The following EDARADD variants were observed in gnomAD, a reference collection of about 807,000 sequenced individuals.
EDARADD encodes the protein ectodysplasin-A receptor-associated adapter protein.
Under a neutral mutation model 25.6 loss-of-function variants are expected in EDARADD, and 20 were observed. The ratio of observed to expected loss-of-function variants is 0.78; its 90% CI spans 0.55 to 1.14. EDARADD has a LOEUF of 1.14. Ranked by LOEUF, EDARADD falls within the 50% of genes most tolerant of loss-of-function variation. The probability of loss-of-function intolerance (pLI) is 0.00; values close to 1 mark genes in which losing one functional copy is unlikely to be tolerated. For missense variants in EDARADD, 225 were observed against 270.1 expected (o/e 0.83, Z 1.17); for synonymous variants, 86 against 94.4 (o/e 0.91, Z 0.52).
At chr1:236,458,354 T>TAA (rs35353723) in intron 4 of EDARADD, among the ~76,000 whole-genome samples, 51,972 of 151,814 alleles carry the variant, frequency 0.34, 9,385 homozygotes, top group Non-Finnish European at 0.41. Flanking sequence ...GTCCTGGCCT[T>TAA]AAAAAACTTA....
At chr1:236,392,412 C>A (rs1055911274), upstream of EDARADD, among the ~76,000 whole-genome samples, 2 of 152,138 alleles carry the variant, frequency 1.3e-5, no homozygotes, top group African/African-American at 2.4e-5. Context: ...AGGTCTGTAA[C>A]TCCTTGGCTC....
chr1:236,422,852 G>A (rs1456517677), intron 3 of EDARADD, among the ~76,000 whole-genome samples: 2 of 152,168 alleles, frequency 1.3e-5, no homozygotes, highest in Non-Finnish European at 2.9e-5. Context: ...GTAACCATGC[G>A]GAGCTTCCAG....
At position 236,482,227 on chromosome 1, in the gene EDARADD, C is replaced by T. The variant is rs371739998; in HGVS notation, c.266-40C>T. On this transcript the variant is annotated intron_variant, in intron 5 of 5. Coordinates refer to ENST00000334232, the MANE Select transcript of EDARADD (RefSeq NM_145861.4). ...GTAAGAAATGAATGCATATGTTAGG[C>T]CTCTTGTTGACCTGTGGACTAAATT... 5.0e-6 allele frequency: 8 copies of T among 1,613,078 alleles called. No homozygotes were observed. In the Admixed American group the frequency reaches 5.0e-5, roughly 10 times the overall value.
intron 3 of EDARADD, among the ~76,000 whole-genome samples, chr1:236,384,873 A>G (rs553399591): frequency 6.6e-6 from 1 of 152,194 alleles, no homozygotes; most frequent in East Asian, 1.9e-4. Flanking sequence ...CTTTGTTTAC[A>G]CTTATATTGA....
At chr1:236,425,643 G>C (rs150786357) in intron 3 of EDARADD, among the ~76,000 whole-genome samples, 62 of 152,286 alleles carry the variant, frequency 4.1e-4, no homozygotes, top group Non-Finnish European at 7.1e-4. Context: ...CGGTTAGGGG[G>C]ATGTGCTACC....
At chr1:236,438,950 G>A (rs866552701) in intron 4 of EDARADD, among the ~76,000 whole-genome samples, 3 of 152,112 alleles carry the variant, frequency 2.0e-5, no homozygotes, top group Non-Finnish European at 2.9e-5. Context: ...CACCATTCTA[G>A]TATCTTACAG....
At chr1:236,441,427 G>A (rs1658395962) in intron 4 of EDARADD, among the ~76,000 whole-genome samples, 1 of 143,660 alleles carries the variant, frequency 7.0e-6, no homozygotes. Flanking sequence ...GCCCTAGATG[G>A]CATCTTCTTC....
chr1:236,391,506 G>C (rs1020061469), upstream of EDARADD, among the ~76,000 whole-genome samples: 2 of 152,046 alleles, frequency 1.3e-5, no homozygotes, highest in Admixed American at 1.3e-4. Flanking sequence ...TGAGGCATAG[G>C]GTCTCTTATG....
intron 3 of EDARADD, among the ~76,000 whole-genome samples, chr1:236,360,049 T>A (rs976487076): frequency 6.6e-6 from 1 of 152,134 alleles, no homozygotes; most frequent in Non-Finnish European, 1.5e-5. Context: ...GTGTGGTGGC[T>A]CACTCCTGTA....
chr1:236,478,093 A>T (rs532854692), intron 5 of EDARADD, among the ~76,000 whole-genome samples: 301 of 152,020 alleles, frequency 2.0e-3, no homozygotes, highest in African/African-American at 6.9e-3. Context: ...GCAGGATGAG[A>T]CTGTCTCAAA....
chr1:236,470,229 C>T (rs888533911), intron 5 of EDARADD, among the ~76,000 whole-genome samples: 3 of 152,104 alleles, frequency 2.0e-5, no homozygotes, highest in Non-Finnish European at 2.9e-5. Flanking sequence ...GGTAAGTATA[C>T]CTTGCTGCAT....
At chr1:236,362,382 T>C (rs1667061408) in intron 3 of EDARADD, among the ~76,000 whole-genome samples, 1 of 152,196 alleles carries the variant, frequency 6.6e-6, no homozygotes, top group Admixed American at 6.6e-5. Context: ...TTTAGCCTAG[T>C]TTTAATTGTG....
intron 3 of EDARADD, among the ~76,000 whole-genome samples, chr1:236,354,845 TTCC>T (rs1388997736): frequency 2.6e-5 from 4 of 152,310 alleles, no homozygotes; most frequent in Middle Eastern, 3.4e-3. Flanking sequence ...GCCAAAACCC[TTCC>T]CCAAAGTGAA....
In EDARADD at chr1:236,445,234, C is replaced by CTTTTTTTTTTTTTTTTTTTTTTTTT. The variant is rs61333307; in HGVS notation, c.219+17795_219+17796insTTTTTTTTTTTTTTTTTTTTTTTTT. ...TGCATTAGCTGGGACATAATAAATT[C>CTTTTTTTTTTTTTTTTTTTTTTTTT]TTTTTTTTTTTGAGACAGAGTCTTG... On this transcript the variant is annotated intron_variant, in intron 4 of 5. Transcript: ENST00000334232. Among the ~76,000 whole-genome samples, 55 of 89,710 alleles carry CTTTTTTTTTTTTTTTTTTTTTTTTT rather than the reference C, an allele frequency of 6.1e-4. 17 individuals are homozygous for CTTTTTTTTTTTTTTTTTTTTTTTTT. The highest frequency in any genetic ancestry group is 8.9e-4 in the Non-Finnish European group (37 of 41,724). The allele number at this position is 89,710 out of a possible 152,430, so 58.9% of individuals were successfully genotyped here.
intron 4 of EDARADD, among the ~76,000 whole-genome samples, chr1:236,437,791 G>A (rs1571934682): frequency 1.5e-5 from 2 of 137,892 alleles, no homozygotes; most frequent in Admixed American, 1.6e-4. Flanking sequence ...ACCCAGGCCA[G>A]AGTGCAATGG....
intron 5 of EDARADD, among the ~76,000 whole-genome samples, chr1:236,470,257 A>T (rs1659323406): frequency 6.6e-6 from 1 of 152,210 alleles, no homozygotes; most frequent in Non-Finnish European, 1.5e-5. Flanking sequence ...TAACCAAGGA[A>T]ACTTCTAAAA....
rs982899609 is a variant in EDARADD, at chr1:236,395,148, G to C, written c.61+643G>C. On this transcript the variant is annotated intron_variant, in intron 1 of 5. Coordinates refer to ENST00000334232, the MANE Select transcript of EDARADD (RefSeq NM_145861.4). This position sits in a 1 kb window ranked among gnomAD's most constrained non-coding sequence, Gnocchi z 6.9. ...TGTCTCAGCTGAGGGCGTGAGTAGG[G>C]AGCCAGGAAAGCGACCCGCGACTGC... is the stretch of plus-strand genomic sequence containing the variant. Among the ~76,000 whole-genome samples the C allele has an allele frequency of 1.6e-4, 25 of 152,230 alleles. No homozygotes were observed. The highest frequency in any genetic ancestry group is 6.0e-4 in the African/African-American group (25 of 41,468).
chr1:236,373,526 T>C (rs922186539), intron 3 of EDARADD, among the ~76,000 whole-genome samples: 6 of 152,224 alleles, frequency 3.9e-5, no homozygotes, highest in African/African-American at 1.4e-4. Context: ...TTTCTGATAT[T>C]AGTAATTTAT....
intron 2 of EDARADD, among the ~76,000 whole-genome samples, chr1:236,411,822 A>G (rs1445691704): frequency 6.6e-6 from 1 of 152,156 alleles, no homozygotes; most frequent in Non-Finnish European, 1.5e-5. Flanking sequence ...AAGTGCTGGG[A>G]TTACAGGCGT....
Sources: allele counts gnomAD v4.1 joint callset (sites outside exome capture counted in the v4.1 genomes callset), GRCh38; gene constraint gnomAD v4.1.1; non-coding constraint Gnocchi (gnomAD v3.1); transcripts MANE v1.5; gene names NCBI Gene and HGNC (gene_info 2026-07-23, HGNC 2026-07-21).